The following PALLD variants were observed in gnomAD, a reference collection of about 807,000 sequenced individuals.
PALLD encodes the protein palladin, cytoskeletal associated protein, also known as palladin.
PALLD carries 61 observed loss-of-function variants against 123.5 expected under a neutral mutation model. The ratio of observed to expected loss-of-function variants is 0.49; its 90% CI spans 0.40 to 0.61. The LOEUF (loss-of-function observed/expected upper bound fraction) is 0.61. Among genes scored for constraint, PALLD ranks in the 20% least tolerant of loss-of-function variants. The pLI, the probability that PALLD is intolerant of heterozygous loss-of-function variation, is 0.00. For missense variants in PALLD, 1,273 were observed against 1,377.0 expected (o/e 0.92, Z 1.20); for synonymous variants, 465 against 496.4 (o/e 0.94, Z 0.84).
chr4:168,810,216 A>C (rs746721851), intron 10 of PALLD, among the ~76,000 whole-genome samples: 2 of 152,176 alleles, frequency 1.3e-5, no homozygotes, highest in Non-Finnish European at 2.9e-5. Flanking sequence ...AAAAGAGCAT[A>C]TATAGACCAT....
chr4:168,904,842 C>G (rs1465844497), intron 15 of PALLD, among the ~76,000 whole-genome samples: 4 of 152,082 alleles, frequency 2.6e-5, no homozygotes, highest in African/African-American at 9.7e-5. Context: ...ATTAAAGTTT[C>G]TGGCCCAGGT....
intron 2 of PALLD, among the ~76,000 whole-genome samples, chr4:168,665,581 T>A (rs764772487): frequency 2.6e-5 from 4 of 152,012 alleles, no homozygotes; most frequent in Non-Finnish European, 5.9e-5. Context: ...ACAAAAAAAA[T>A]GGTTGCTATG....
intron 10 of PALLD, among the ~76,000 whole-genome samples, chr4:168,798,103 A>G (rs1738783833): frequency 6.6e-6 from 1 of 152,198 alleles, no homozygotes; most frequent in Non-Finnish European, 1.5e-5. Context: ...GCCAAGGCTC[A>G]GGGTTTGCAA....
Position 168,890,940 on chromosome 4 carries a change from C to T in PALLD, c.1983C>T (p.Ala661=), listed in dbSNP as rs1754070338. 1 of 1,613,928 alleles carries T rather than the reference C, an allele frequency of 6.2e-7. No homozygotes were observed. The highest frequency in any genetic ancestry group is 1.7e-5 in the Admixed American group (1 of 60,018). The part of the protein sequence containing the change: ...AKPKLGFPKK[A]SRTARIASDE... ...CCTGCAGAGGATTTCCAAAGAAGGC[C>T]AGTAGAACTGCTAGAATAGCCTCCG... Residue 661 remains alanine, a synonymous_variant, in exon 11 of 22, where the codon GCC becomes GCT. Transcript: ENST00000505667.
At chr4:168,805,425 T>G (rs986006919) in intron 10 of PALLD, among the ~76,000 whole-genome samples, 9 of 152,068 alleles carry the variant, frequency 5.9e-5, no homozygotes, top group Non-Finnish European at 8.8e-5. Flanking sequence ...GTAAAACTAT[T>G]TAAGGAATTT....
Position 168,656,045 on chromosome 4 carries a change from C to A in PALLD, c.909-12145C>A, listed in dbSNP as rs144516959. Among the ~76,000 whole-genome samples, 460 of 152,234 alleles carry A rather than the reference C, an allele frequency of 3.0e-3. 1 individual carries two copies. The highest frequency in any genetic ancestry group is 0.011 in the African/African-American group (444 of 41,520). On this transcript the variant is annotated intron_variant, in intron 2 of 21. Coordinates refer to ENST00000505667, the MANE Select transcript of PALLD (RefSeq NM_001166108.2). ...TCATTGTATTTCAGTGGACAGGTTC[C>A]AAATGCACAGAAGACTGACAGCATT...
At chr4:168,717,719 C>T (rs1785497870) in intron 10 of PALLD, among the ~76,000 whole-genome samples, 1 of 152,142 alleles carries the variant, frequency 6.6e-6, no homozygotes, top group African/African-American at 2.4e-5. Flanking sequence ...AGAGTTTTCC[C>T]ACATTACAGT....
chr4:168,843,473 A>G (rs1381979257), intron 10 of PALLD, among the ~76,000 whole-genome samples: 1 of 152,208 alleles, frequency 6.6e-6, no homozygotes, highest in African/African-American at 2.4e-5. Flanking sequence ...CATACGTAGT[A>G]TAAGAATTCT....
At chr4:168,809,670 C>A (rs1189442376) in intron 10 of PALLD, among the ~76,000 whole-genome samples, 1 of 152,030 alleles carries the variant, frequency 6.6e-6, no homozygotes, top group Non-Finnish European at 1.5e-5. Context: ...TCTAGACCAG[C>A]CTGGTCAACA....
At chr4:168,717,014 C>T (rs928615416) in intron 10 of PALLD, among the ~76,000 whole-genome samples, 1 of 152,200 alleles carries the variant, frequency 6.6e-6, no homozygotes, top group Non-Finnish European at 1.5e-5. Flanking sequence ...CCTGACCACC[C>T]AGTCTAAAGC....
intron 10 of PALLD, among the ~76,000 whole-genome samples, chr4:168,809,875 G>GA (rs34684368): frequency 0.53 from 76,772 of 144,854 alleles, 21,196 homozygotes; most frequent in Non-Finnish European, 0.63. Context: ...AAAAAAAAAA[G>GA]AAAAAAAAAT....
chr4:168,883,973 T>C (rs1424807744), intron 10 of PALLD, among the ~76,000 whole-genome samples: 1 of 152,016 alleles, frequency 6.6e-6, no homozygotes, highest in African/African-American at 2.4e-5. Flanking sequence ...GATCATGTCT[T>C]TGTCACCACT....
chr4:168,647,343 C>G (rs1777564821), intron 2 of PALLD, among the ~76,000 whole-genome samples: 1 of 152,058 alleles, frequency 6.6e-6, no homozygotes, highest in Non-Finnish European at 1.5e-5. Flanking sequence ...AGTTCACTTA[C>G]TACAATGGAC....
At chr4:168,517,118 A>G (rs757425936) in intron 2 of PALLD, among the ~76,000 whole-genome samples, 11 of 152,212 alleles carry the variant, frequency 7.2e-5, no homozygotes, top group Non-Finnish European at 1.5e-4. Flanking sequence ...AGACACAGGG[A>G]CTGGGACATG....
chr4:168,611,575 A>G lies in PALLD; in HGVS notation c.909-56615A>G, dbSNP rs542006553. 1.8e-3 allele frequency among the ~76,000 whole-genome samples: 267 copies of G among 152,366 alleles called. 2 individuals carry two copies. The highest frequency in any genetic ancestry group is 6.1e-3 in the African/African-American group (252 of 41,592). The stretch of plus-strand genomic sequence containing the variant: ...TATGTATCTGAAGACTATCAGATTA[A>G]TCTATAAGCAAAACTGAGGTCCTTG... On this transcript the variant is annotated intron_variant, in intron 2 of 21. Transcript: ENST00000505667.
chr4:168,920,513 G>GTT (rs1761252849), intron 17 of PALLD, among the ~76,000 whole-genome samples: 1 of 151,990 alleles, frequency 6.6e-6, no homozygotes, highest in African/African-American at 2.4e-5. Context: ...GGGGGTAGGG[G>GTT]GTAAAAAGGC....
chr4:168,580,448 T>C (rs1354007405), intron 2 of PALLD, among the ~76,000 whole-genome samples: 1 of 152,040 alleles, frequency 6.6e-6, no homozygotes, highest in Admixed American at 6.6e-5. Flanking sequence ...CCAGTCAGAA[T>C]GGCTACTATA....
At chr4:168,831,616 G>C (rs939420612) in intron 10 of PALLD, among the ~76,000 whole-genome samples, 1 of 151,976 alleles carries the variant, frequency 6.6e-6, no homozygotes. Flanking sequence ...CCCCAGTCTC[G>C]CAGTTCCATT....
rs1779850621 is a variant in PALLD, at chr4:168,668,294, A to G, written c.1013A>G (p.Asp338Gly). ...TLIIAEAFEDDTGRYTCLATN... is the reference protein window; with the variant it reads ...TLIIAEAFEDGTGRYTCLATN... Reference sequence around the variant, plus strand: ...ATCATAGCAGAGGCCTTTGAGGACGACACAGGTCGCTACACCTGTTTGGCT... The same window carrying G: ...ATCATAGCAGAGGCCTTTGAGGACGGCACAGGTCGCTACACCTGTTTGGCT... The change falls in exon 3 of 22, where the codon GAC (aspartate) becomes GGC (glycine). Residue 338 changes from aspartate to glycine, a missense_variant. Coordinates refer to ENST00000505667, the MANE Select transcript of PALLD (RefSeq NM_001166108.2). 5 of 1,614,054 alleles carry G rather than the reference A, an allele frequency of 3.1e-6. No homozygotes were observed. The highest frequency in any genetic ancestry group is 4.2e-6 in the Non-Finnish European group (5 of 1,180,010).
Sources: allele counts gnomAD v4.1 joint callset (sites outside exome capture counted in the v4.1 genomes callset), GRCh38; gene constraint gnomAD v4.1.1; transcripts MANE v1.5; gene names NCBI Gene and HGNC (gene_info 2026-07-23, HGNC 2026-07-21).